ASTN1: variants seen among roughly 807,000 people sequenced by gnomAD.
ASTN1 encodes astrotactin-1.
Under a neutral mutation model 140.7 loss-of-function variants are expected in ASTN1, and 41 were observed. The ratio of observed to expected loss-of-function variants is 0.29; its 90% CI spans 0.23 to 0.38. The LOEUF (loss-of-function observed/expected upper bound fraction) is 0.38, where lower values mean the gene tolerates loss of function less well. Among genes scored for constraint, ASTN1 ranks in the 10% least tolerant of loss-of-function variants. ASTN1 has a pLI of 1.00. For synonymous variants in ASTN1, 640 were observed against 652.2 expected (o/e 0.98, Z 0.29); for missense variants, 1,479 against 1,678.8 (o/e 0.88, Z 2.08).
At chr1:177,149,920 T>C (rs989607572) in intron 1 of ASTN1, among the ~76,000 whole-genome samples, 32 of 149,094 alleles carry the variant, frequency 2.1e-4, no homozygotes, top group African/African-American at 7.6e-4. Context: ...ATAAAGTTCC[T>C]AGAAGAGATC....
intron 1 of ASTN1, among the ~76,000 whole-genome samples, chr1:177,072,486 G>A (rs148100058): frequency 2.9e-4 from 44 of 152,250 alleles, no homozygotes; most frequent in Middle Eastern, 3.4e-3. Context: ...TGACCTGACA[G>A]GCATAGCTCC....
At chr1:177,164,014 A>C (rs181338311) in intron 1 of ASTN1, among the ~76,000 whole-genome samples, 4 of 152,266 alleles carry the variant, frequency 2.6e-5, no homozygotes, top group Non-Finnish European at 5.9e-5. Flanking sequence ...AGAGCTGAGC[A>C]TGTGGCTAGG....
At chr1:177,038,785 T>C (rs906976499) in intron 2 of ASTN1, among the ~76,000 whole-genome samples, 9 of 152,178 alleles carry the variant, frequency 5.9e-5, no homozygotes, top group Admixed American at 3.3e-4. Flanking sequence ...GGAGTTTATA[T>C]TTTAGTTAAA....
chr1:176,872,401 T>C (rs184521690), intron 21 of ASTN1, among the ~76,000 whole-genome samples: 2 of 152,208 alleles, frequency 1.3e-5, no homozygotes, highest in East Asian at 3.9e-4. Context: ...ATAAACATAG[T>C]AAATAAGTAA....
chr1:176,998,592 C>T (rs1674567050), intron 8 of ASTN1, among the ~76,000 whole-genome samples: 1 of 152,100 alleles, frequency 6.6e-6, no homozygotes, highest in Non-Finnish European at 1.5e-5. Context: ...GATCATTACA[C>T]AACCTCTCAA....
chr1:177,045,648 C>T (rs1293774871), intron 2 of ASTN1, among the ~76,000 whole-genome samples: 1 of 152,182 alleles, frequency 6.6e-6, no homozygotes, highest in Non-Finnish European at 1.5e-5. Flanking sequence ...CGTGTGAGGA[C>T]TTCTCTTCAC....
rs746278546 is a variant in ASTN1 at position 176,876,683 on chromosome 1, G to C, written c.3363-46C>G. 6 of 1,586,368 alleles carry C rather than the reference G, an allele frequency of 3.8e-6. No homozygotes were observed. The Admixed American group carries it at 6.8e-5, about 18-fold the overall frequency. ...ATGGTTAGCAGAAACAGTGTGGCTG[G>C]AGGCTAGATCTCTGTGGCCCTAGCT... On this transcript the variant is annotated intron_variant, in intron 20 of 22. Coordinates refer to ENST00000361833, the MANE Select transcript of ASTN1 (RefSeq NM_004319.3).
At chr1:177,148,278 C>T (rs999947927) in intron 1 of ASTN1, among the ~76,000 whole-genome samples, 1 of 151,812 alleles carries the variant, frequency 6.6e-6, no homozygotes, top group African/African-American at 2.4e-5. Flanking sequence ...ATTAGCCGGG[C>T]GTGGTGGCGG....
At chr1:177,087,123 G>A (rs936861621) in intron 1 of ASTN1, among the ~76,000 whole-genome samples, 12 of 152,042 alleles carry the variant, frequency 7.9e-5, no homozygotes, top group Non-Finnish European at 1.5e-5. Flanking sequence ...GTCCTAACAT[G>A]CCCCTTCCTC....
At chr1:176,888,313 AGCAGGTTGTGTC>A in intron 17 of ASTN1, 109 bp from the exon 18 acceptor site, 1 of 1,328,644 alleles carries the variant, frequency 7.5e-7, no homozygotes. Context: ...TACTTCCAGC[AGCAGGTTGTGTC>A]GCCACTTTAT....
chr1:177,013,381 T>C (rs557429320), intron 8 of ASTN1, among the ~76,000 whole-genome samples: 1 of 152,174 alleles, frequency 6.6e-6, no homozygotes, highest in African/African-American at 2.4e-5. Context: ...TCTCCTAACA[T>C]CTATGGGCAT....
chr1:176,915,779 C>G (rs1411462198), intron 16 of ASTN1, among the ~76,000 whole-genome samples: 1 of 152,112 alleles, frequency 6.6e-6, no homozygotes, highest in Non-Finnish European at 1.5e-5. Context: ...ACGATAAGGT[C>G]CCGATGTCTC....
chr1:177,058,221 C>CA (rs1677905292), intron 2 of ASTN1, among the ~76,000 whole-genome samples: 1 of 152,072 alleles, frequency 6.6e-6, no homozygotes, highest in South Asian at 2.1e-4. Context: ...ATCTCCACTT[C>CA]ATCCTGAGAT....
intron 1 of ASTN1, among the ~76,000 whole-genome samples, chr1:177,131,302 G>A (rs557260872): frequency 4.6e-5 from 7 of 152,032 alleles, no homozygotes; most frequent in Admixed American, 3.9e-4. Context: ...AATACAAAAA[G>A]AACTCTGTTA....
chr1:177,045,687 G>A (rs1677181349), intron 2 of ASTN1, among the ~76,000 whole-genome samples: 2 of 152,138 alleles, frequency 1.3e-5, no homozygotes. Flanking sequence ...CTACCTTTTG[G>A]TGTCTTTAGC....
intron 8 of ASTN1, among the ~76,000 whole-genome samples, chr1:177,001,016 T>C (rs1674702975): frequency 6.6e-6 from 1 of 152,208 alleles, no homozygotes; most frequent in South Asian, 2.1e-4. Context: ...ATGAGATAAT[T>C]TAAAGATCCA....
intron 14 of ASTN1, among the ~76,000 whole-genome samples, chr1:176,939,222 T>C (rs1302773472): frequency 6.6e-6 from 1 of 152,214 alleles, no homozygotes; most frequent in Non-Finnish European, 1.5e-5. Flanking sequence ...TCTCTCATCA[T>C]ACCTAACTGC....
chr1:176,950,418 T>C (rs916480765), intron 11 of ASTN1, among the ~76,000 whole-genome samples: 4 of 152,182 alleles, frequency 2.6e-5, no homozygotes, highest in Admixed American at 2.6e-4. Flanking sequence ...CACTTAACCG[T>C]TTACACAGTA....
chr1:176,873,681 T>G (rs1176825728), intron 21 of ASTN1, among the ~76,000 whole-genome samples: 1 of 152,170 alleles, frequency 6.6e-6, no homozygotes, highest in African/African-American at 2.4e-5. Context: ...TACCCTCAAT[T>G]AGTCTAAGTC....
Sources: gnomAD v4.1 joint callset for allele counts (sites outside exome capture counted in the v4.1 genomes callset) on GRCh38, gnomAD v4.1.1 for gene constraint, MANE v1.5 for transcripts, NCBI Gene and HGNC (gene_info 2026-07-23, HGNC 2026-07-21) for gene names.